TEF: variants seen among roughly 807,000 people sequenced by gnomAD.
The protein encoded by TEF is thyrotroph embryonic factor.
A neutral mutation model predicts 20.8 loss-of-function variants in TEF; 3 were observed. The observed-to-expected ratio is 0.14, with a 90% CI of 0.07 to 0.37. TEF has a LOEUF of 0.37. TEF is among the 10% of genes least tolerant of loss of function. The pLI, the probability that TEF is intolerant of heterozygous loss-of-function variation, is 1.00. For synonymous variants in TEF, 180 were observed against 171.1 expected, an observed-to-expected ratio of 1.05 and a Z score of -0.41; for missense variants, 296 against 397.9, an observed-to-expected ratio of 0.74 and a Z score of 2.18.
intron 1 of TEF, chr22:41,369,097 C>T (rs1261386923): frequency 2.0e-6 from 2 of 985,262 alleles, no homozygotes; most frequent in East Asian, 2.3e-4. Context: ...CCCCAGCACA[C>T]ACATGAAGGG....
At chr22:41,393,607 A>T (rs1338525238) in intron 2 of TEF, among the ~76,000 whole-genome samples, 1 of 151,762 alleles carries the variant, frequency 6.6e-6, no homozygotes, top group Admixed American at 6.6e-5. Flanking sequence ...ATACAAAAAA[A>T]TTAGCCAGGC....
chr22:41,393,960 T>G (rs1601825706), intron 2 of TEF, 136 bp from the exon 3 acceptor site: 2 of 662,760 alleles, frequency 3.0e-6, no homozygotes. Context: ...TAGGGGCTGG[T>G]ACTGTTGGGG....
At chr22:41,373,127 T>A (rs1205475502) in intron 1 of TEF, among the ~76,000 whole-genome samples, 1 of 152,060 alleles carries the variant, frequency 6.6e-6, no homozygotes, top group Admixed American at 6.6e-5. Context: ...AAATTAGGTA[T>A]CCCCAGAACA....
rs976225961 is a variant in TEF, at chr22:41,397,194, C to G, written c.*1234C>G. On this transcript the variant is annotated 3_prime_UTR_variant, in exon 4 of 4. Transcript: ENST00000266304. ...TGGGACTTTTACACAGGCCTAGGGT[C>G]CCCTCAGTCTTGGTCCCAGGAGATG... is the stretch of plus-strand genomic sequence containing the variant. The G allele has an allele frequency of 2.5e-6, 1 of 398,296 alleles. No individual in the cohort carries two copies. Among genetic ancestry groups the G allele is most frequent in the Non-Finnish European group, 4.4e-6 (1 of 226,046 alleles). 24.7% of individuals were successfully genotyped at this position (398,296 alleles called of 1,614,324 possible). A position where few individuals can be genotyped will look rare whatever the true frequency, so the allele number is the denominator to read the frequency against.
chr22:41,385,746 A>G (rs538230074), intron 1 of TEF, among the ~76,000 whole-genome samples: 289 of 152,240 alleles, frequency 1.9e-3, no homozygotes, highest in Non-Finnish European at 3.2e-3. Context: ...GTACAGTGGC[A>G]TGATCTTGGC....
rs969277714 is a variant in TEF at position 41,392,065 on chromosome 22, A to G, written c.476-2031A>G. Among the ~76,000 whole-genome samples, 2 of 152,232 alleles carry G rather than the reference A, an allele frequency of 1.3e-5. 1 individual carries two copies. The highest frequency in any genetic ancestry group is 6.3e-3 in the Middle Eastern group (2 of 316). On this transcript the variant is annotated intron_variant, in intron 2 of 3. Coordinates refer to ENST00000266304, the MANE Select transcript of TEF (RefSeq NM_003216.4). ...GGACAGAACCTGGCATATAACAGGT[A>G]TTCAATAAGTATCTGTTGACTGAAT...
chr22:41,384,455 C>G (rs8136479), intron 1 of TEF, among the ~76,000 whole-genome samples: 25 of 152,096 alleles, frequency 1.6e-4, no homozygotes, highest in African/African-American at 6.0e-4. Context: ...AACTCCACCC[C>G]TCTCCTTCCT....
At chr22:41,390,807 C>T (rs940850555) in intron 2 of TEF, among the ~76,000 whole-genome samples, 1 of 152,086 alleles carries the variant, frequency 6.6e-6, no homozygotes, top group Non-Finnish European at 1.5e-5. Context: ...TTGTCATTTT[C>T]TAGAATTTGT....
chr22:41,382,119 A>G lies in TEF; in HGVS notation c.75A>G (p.Ala25=). 1 of 1,234,056 alleles carries G rather than the reference A, an allele frequency of 8.1e-7. No individual in the cohort carries two copies. Among genetic ancestry groups the G allele is most frequent in the African/African-American group, 1.6e-5 (1 of 64,436 alleles). 76.4% of individuals were successfully genotyped at this position (1,234,056 alleles called of 1,614,324 possible). Residue 25 remains alanine, a synonymous_variant, in exon 1 of 4, where the codon GCA becomes GCG. Transcript: ENST00000266304. ...GACCCGGTCCGGGGCCGGGGCGCGC[A>G]GCTGGGGAAAGGGGCCTGTCGGGGT... ...QAGPGPGPGR[A]AGERGLSGSF...
rs528349161 is a variant in TEF at position 41,382,008 on chromosome 22, G to T, written c.-37G>T. ...CTCCGGCCCATCTCGGGGGGCGGGC[G>T]GGGGAGGCGAGGTGCGCGAGCCGAG... On this transcript the variant is annotated 5_prime_UTR_variant, in exon 1 of 4. Coordinates refer to ENST00000266304, the MANE Select transcript of TEF (RefSeq NM_003216.4). 1.3e-4 allele frequency: 165 copies of T among 1,229,726 alleles called. No homozygotes were observed. The African/African-American group carries it at 2.4e-3, about 18-fold the overall frequency. The allele number at this position is 1,229,726 out of a possible 1,614,324, so 76.2% of individuals were successfully genotyped here.
Position 41,387,284 on chromosome 22 carries a change from A to G in TEF, c.158-67A>G. The G allele has an allele frequency of 3.9e-6, 6 of 1,557,228 alleles. No individual in the cohort carries two copies. The South Asian group carries it at 7.0e-5, about 18-fold the overall frequency. ...AAGATGGGCCAGGCCTGTGAGGCTC[A>G]CTGCCCACTTCCTGGGATTGAGTTA... On this transcript the variant is annotated intron_variant, in intron 1 of 3. Coordinates refer to ENST00000266304, the MANE Select transcript of TEF (RefSeq NM_003216.4).
chr22:41,385,375 GTT>G (rs893324772), intron 1 of TEF, among the ~76,000 whole-genome samples: 2 of 151,872 alleles, frequency 1.3e-5, no homozygotes, highest in African/African-American at 4.8e-5. Flanking sequence ...AAAAAAAAAA[GTT>G]ATTTCTAATC....
upstream of TEF, among the ~76,000 whole-genome samples, chr22:41,380,194 C>A (rs1483041613): frequency 1.3e-5 from 2 of 152,158 alleles, no homozygotes; most frequent in Non-Finnish European, 2.9e-5. Flanking sequence ...CTCTGTCGCC[C>A]AGGCTTGACT....
At chr22:41,391,939 A>G (rs2037172414) in intron 2 of TEF, among the ~76,000 whole-genome samples, 1 of 152,046 alleles carries the variant, frequency 6.6e-6, no homozygotes, top group African/African-American at 2.4e-5. Context: ...ATTTTTATAT[A>G]TCGTTTGTAT....
intron 2 of TEF, among the ~76,000 whole-genome samples, chr22:41,388,705 C>T (rs1010538822): frequency 6.6e-6 from 1 of 152,046 alleles, no homozygotes; most frequent in East Asian, 1.9e-4. Context: ...TCCTTGGACA[C>T]GAACCTACCA....
chr22:41,368,694 T>C (rs2145956553), intron 1 of TEF, among the ~76,000 whole-genome samples: 1 of 152,216 alleles, frequency 6.6e-6, no homozygotes, highest in African/African-American at 2.4e-5. Flanking sequence ...GGGCAGGGGC[T>C]CCGGAGCTCT....
upstream of TEF, among the ~76,000 whole-genome samples, chr22:41,379,033 T>C (rs542098989): frequency 2.0e-5 from 3 of 152,276 alleles, no homozygotes; most frequent in African/African-American, 7.2e-5. Flanking sequence ...CCTACGCAAA[T>C]TGGCTCACAG....
intron 1 of TEF, among the ~76,000 whole-genome samples, chr22:41,375,604 A>T (rs777295110): frequency 1.1e-4 from 16 of 151,974 alleles, no homozygotes; most frequent in Non-Finnish European, 1.6e-4. Flanking sequence ...CAAAAAAATT[A>T]GCCGGGCTAC....
Position 41,395,969 on chromosome 22 carries a change from C to T in TEF, c.*9C>T, listed in dbSNP as rs1034124077. 20 of 1,605,578 alleles carry T rather than the reference C, an allele frequency of 1.2e-5. No individual in the cohort carries two copies. The highest frequency in any genetic ancestry group is 1.7e-5 in the Non-Finnish European group (20 of 1,173,004). On this transcript the variant is annotated 3_prime_UTR_variant, in exon 4 of 4. Coordinates refer to ENST00000266304, the MANE Select transcript of TEF (RefSeq NM_003216.4). ...AATACGGGCCCTTGTAACCCGTGCC[C>T]CCCGCCCGGGCGGGGTACTGCCTGC...
Sources: allele counts gnomAD v4.1 joint callset (sites outside exome capture counted in the v4.1 genomes callset), GRCh38; gene constraint gnomAD v4.1.1; transcripts MANE v1.5; gene names NCBI Gene and HGNC (gene_info 2026-07-23, HGNC 2026-07-21).